Variants in TMF1 observed in about 807,000 individuals in gnomAD.
The protein encoded by TMF1 is TATA element modulatory factor 1.
In TMF1, 71 loss-of-function variants were observed where a neutral mutation model predicts 126.5. The ratio of observed to expected loss-of-function variants is 0.56; its 90% CI spans 0.46 to 0.68. The LOEUF (loss-of-function observed/expected upper bound fraction) is 0.68, where lower values mean the gene tolerates loss of function less well. Among genes scored for constraint, TMF1 ranks in the 30% least tolerant of loss-of-function variants. The probability of loss-of-function intolerance (pLI) is 0.00; values close to 1 mark genes in which losing one functional copy is unlikely to be tolerated. For missense variants in TMF1, 1,259 were observed against 1,253.2 expected, an observed-to-expected ratio of 1.00 and a Z score of -0.07; for synonymous variants, 461 against 430.5, an observed-to-expected ratio of 1.07 and a Z score of -0.88.
At chr3:69,046,453 T>A (rs892518376) in intron 2 of TMF1, among the ~76,000 whole-genome samples, 3 of 152,194 alleles carry the variant, frequency 2.0e-5, no homozygotes, top group Non-Finnish European at 2.9e-5. Flanking sequence ...TATTACTAAT[T>A]GAAATATTAT....
chr3:69,027,596 A>G (rs1402783395), intron 13 of TMF1, among the ~76,000 whole-genome samples: 7 of 152,138 alleles, frequency 4.6e-5, no homozygotes, highest in Non-Finnish European at 8.8e-5. Context: ...GGGATGTCCA[A>G]TCTTTTGGTT....
chr3:69,042,989 AAAG>A (rs1168311437), intron 4 of TMF1, 77 bp from the exon 5 acceptor site: 3 of 1,015,440 alleles, frequency 3.0e-6, no homozygotes, highest in Non-Finnish European at 4.4e-6. Context: ...TCCCCCATCC[AAAG>A]AAGCTGTCCA....
chr3:69,035,974 C>T (rs886953451), intron 8 of TMF1, among the ~76,000 whole-genome samples: 13 of 151,782 alleles, frequency 8.6e-5, no homozygotes, highest in African/African-American at 1.7e-4. Context: ...ATTATTCTAA[C>T]GTATTTTAAA....
In TMF1 at chr3:69,026,077, A is replaced by C. The variant is rs2091765663; in HGVS notation, c.2778T>G (p.Val926=). 3 of 1,613,970 alleles carry C rather than the reference A, an allele frequency of 1.9e-6. No homozygotes were observed. Among genetic ancestry groups the C allele is most frequent in the Admixed American group, 1.7e-5 (1 of 59,998 alleles). ...IKEKERKPFS[V]SSTPTMSRSS... is the part of the protein sequence containing the mutation. Reference sequence around the variant, plus strand: ...AGCGTGACATGGTGGGAGTGCTAGAAACAGAAAATGGCTTGCGTTCCTTAG... The same window carrying C: ...AGCGTGACATGGTGGGAGTGCTAGACACAGAAAATGGCTTGCGTTCCTTAG... Residue 926 remains valine (V), a synonymous_variant, in exon 14 of 17, where the codon GTT becomes GTG. Transcript: ENST00000398559.
intron 8 of TMF1, 27 bp from the exon 9 acceptor site, chr3:69,035,142 C>A (rs1367403006): frequency 1.9e-6 from 3 of 1,570,278 alleles, no homozygotes; most frequent in Middle Eastern, 1.7e-4. Context: ...AATACATTCA[C>A]AAACAATGGT....
At chr3:69,037,868 C>A (rs1462306171) in intron 8 of TMF1, among the ~76,000 whole-genome samples, 2 of 151,490 alleles carry the variant, frequency 1.3e-5, no homozygotes, top group South Asian at 2.1e-4. Context: ...CCACTTCACA[C>A]ACACTAAAAA....
chr3:69,028,856 A>G (rs1261366140), intron 11 of TMF1, among the ~76,000 whole-genome samples: 1 of 152,184 alleles, frequency 6.6e-6, no homozygotes, highest in East Asian at 1.9e-4. Flanking sequence ...ATATAAAAGT[A>G]ACTCCAAAGA....
intron 13 of TMF1, among the ~76,000 whole-genome samples, chr3:69,026,984 TTTTA>T (rs903614815): frequency 1.2e-4 from 19 of 152,162 alleles, no homozygotes; most frequent in Admixed American, 3.3e-4. Context: ...GAAAACTCAT[TTTTA>T]TTTATTTATT....
chr3:69,039,067 ACTGTATTCCAGGAAT>A, intron 6 of TMF1, 58 bp from the exon 7 acceptor site: 4 of 1,262,406 alleles, frequency 3.2e-6, no homozygotes, highest in Non-Finnish European at 4.3e-6. Flanking sequence ...ATGGTAAATA[ACTGTATTCCAGGAAT>A]CTATAATAAT....
At position 69,033,273 on chromosome 3, in the gene TMF1, C is replaced by CA. The variant is rs34778745; in HGVS notation, c.2401+274dup. On this transcript the variant is annotated intron_variant, in intron 10 of 16. Coordinates refer to ENST00000398559, the MANE Select transcript of TMF1 (RefSeq NM_007114.3). ...TCAGTGAAAGAGTGAGACTCCATCT[C>CA]AAAAAAAAAAAAAAAAAAAGAACTG... Among the ~76,000 whole-genome samples the CA allele has an allele frequency of 3.7e-3, 315 of 85,550 alleles. 2 individuals carry two copies. The highest frequency in any genetic ancestry group is 0.01 in the African/African-American group (237 of 22,712). 56.1% of individuals were successfully genotyped at this position (85,550 alleles called of 152,430 possible). A position where few individuals can be genotyped will look rare whatever the true frequency, so the allele number is the denominator to read the frequency against.
rs1042277300 is a variant in TMF1, at chr3:69,022,456, A to G, written c.*721T>C. Reference sequence around the variant, plus strand: ...ATAAATAAATTTTCTCCATTATCCAATCACATCTAGATAACATTGAATATG... The same window carrying G: ...ATAAATAAATTTTCTCCATTATCCAGTCACATCTAGATAACATTGAATATG... On this transcript the variant is annotated 3_prime_UTR_variant, in exon 17 of 17. Transcript: ENST00000398559. 3 of 152,578 alleles carry G rather than the reference A, an allele frequency of 2.0e-5. No individual in the cohort carries two copies. The highest frequency in any genetic ancestry group is 1.9e-4 in the East Asian group (1 of 5,200). The allele number at this position is 152,578 out of a possible 1,614,324, so 9.5% of individuals were successfully genotyped here.
chr3:69,047,707 G>T lies in TMF1; in HGVS notation c.998C>A (p.Ser333Ter). 6.2e-7 allele frequency: 1 copy of T among 1,614,020 alleles called. No homozygotes were observed. The highest frequency in any genetic ancestry group is 1.1e-5 in the South Asian group (1 of 91,042). ...FERIDSFSVQ[S>*]LDSRSVSEIN... is the part of the protein sequence containing the mutation. ...TTCACTTACACTCCGGCTATCTAAT[G>T]ACTGTACACTAAATGAGTCTATTCT... is the stretch of plus-strand genomic sequence containing the variant. Residue 333 changes from serine (S) to a stop codon, truncating the protein, a stop_gained, in exon 2 of 17, where the codon TCA becomes TAA. Coordinates refer to ENST00000398559, the MANE Select transcript of TMF1 (RefSeq NM_007114.3). LOFTEE classifies it high-confidence loss of function.
At chr3:69,050,572 T>C (rs1001132029) in intron 1 of TMF1, among the ~76,000 whole-genome samples, 4 of 152,204 alleles carry the variant, frequency 2.6e-5, no homozygotes, top group African/African-American at 9.6e-5. Context: ...ATGGGCATTT[T>C]CCGAAAACAA....
chr3:69,046,737 G>A (rs1367709946), intron 2 of TMF1, among the ~76,000 whole-genome samples: 2 of 152,116 alleles, frequency 1.3e-5, no homozygotes, highest in South Asian at 2.1e-4. Context: ...CAATGCTTTT[G>A]TTCCTTAGAC....
At position 69,021,837 on chromosome 3, in the gene TMF1, C is replaced by T. The variant is rs897071684; in HGVS notation, c.*1340G>A. 1 of 152,084 alleles carries T rather than the reference C, an allele frequency of 6.6e-6. No homozygotes were observed. The highest frequency in any genetic ancestry group is 2.1e-4 in the South Asian group (1 of 4,834). 9.4% of individuals were successfully genotyped at this position (152,084 alleles called of 1,614,324 possible). ...CTAGGATTACAGGCGCACACCACCA[C>T]GCCAGGCTAATTTTTGTATTTTTAG... is the stretch of plus-strand genomic sequence containing the variant. On this transcript the variant is annotated 3_prime_UTR_variant, in exon 17 of 17. Coordinates refer to ENST00000398559, the MANE Select transcript of TMF1 (RefSeq NM_007114.3).
At chr3:69,051,131 T>A (rs1017071738) in intron 1 of TMF1, among the ~76,000 whole-genome samples, 1 of 152,200 alleles carries the variant, frequency 6.6e-6, no homozygotes, top group Non-Finnish European at 1.5e-5. Context: ...TTTCCTCTTA[T>A]GTAAAACACG....
intron 1 of TMF1, among the ~76,000 whole-genome samples, chr3:69,049,967 A>C (rs1477193088): frequency 6.6e-6 from 1 of 152,188 alleles, no homozygotes; most frequent in African/African-American, 2.4e-5. Flanking sequence ...CTATCCTTTA[A>C]TATGACTTCA....
At chr3:69,037,925 G>C (rs529921686) in intron 8 of TMF1, among the ~76,000 whole-genome samples, 1 of 152,124 alleles carries the variant, frequency 6.6e-6, no homozygotes, top group South Asian at 2.1e-4. Context: ...GCAAGGATGT[G>C]GAGAAACTGA....
At chr3:69,032,671 C>T (rs977033232) in intron 10 of TMF1, among the ~76,000 whole-genome samples, 5 of 147,478 alleles carry the variant, frequency 3.4e-5, no homozygotes, top group Non-Finnish European at 4.4e-5. Flanking sequence ...AGTGCTGTAG[C>T]GCAATCTCAG....
Sources: allele counts gnomAD v4.1 joint callset (sites outside exome capture counted in the v4.1 genomes callset), GRCh38; gene constraint gnomAD v4.1.1; transcripts MANE v1.5; gene names NCBI Gene and HGNC (gene_info 2026-07-23, HGNC 2026-07-21).